The following IRS1 variants were observed in gnomAD, a reference collection of about 807,000 sequenced individuals.
IRS1 encodes insulin receptor substrate 1.
Under a neutral mutation model 65.6 loss-of-function variants are expected in IRS1, and 34 were observed. That is an observed-to-expected ratio of 0.52 (90% confidence interval 0.39 to 0.69). The LOEUF (loss-of-function observed/expected upper bound fraction) is 0.69. Ranked by LOEUF, IRS1 falls within the 30% of genes least tolerant of loss-of-function variation. The pLI, the probability that IRS1 is intolerant of heterozygous loss-of-function variation, is 0.00. For missense variants in IRS1, 1,641 were observed against 1,720.2 expected (o/e 0.95, Z 0.81); for synonymous variants, 699 against 683.5 (o/e 1.02, Z -0.35).
chr2:226,766,132 TATATATATATATATATA>T (rs1939029205), intron 1 of IRS1, among the ~76,000 whole-genome samples: 1 of 3,180 alleles, frequency 3.1e-4, no homozygotes, highest in Admixed American at 5.4e-3. Context: ...TATATATATA[TATATATATATATATATA>T]TATATATATA....
At chr2:226,764,217 A>G (rs1326408280) in intron 1 of IRS1, among the ~76,000 whole-genome samples, 1 of 151,962 alleles carries the variant, frequency 6.6e-6, no homozygotes, top group African/African-American at 2.4e-5. Context: ...TCGAAGGATC[A>G]CTAATGGAAT....
At chr2:226,756,702 G>A (rs189576095) in intron 1 of IRS1, among the ~76,000 whole-genome samples, 46 of 152,248 alleles carry the variant, frequency 3.0e-4, no homozygotes, top group Non-Finnish European at 5.3e-4. Context: ...GGTGGCTCAC[G>A]CCTGTAAGCC....
intron 1 of IRS1, among the ~76,000 whole-genome samples, chr2:226,755,538 C>G (rs570667198): frequency 2.9e-4 from 44 of 152,226 alleles, no homozygotes; most frequent in African/African-American, 1.1e-3. Context: ...TATATATGTT[C>G]CTTATTATAG....
intron 1 of IRS1, among the ~76,000 whole-genome samples, chr2:226,763,015 C>A (rs1325133707): frequency 2.0e-5 from 3 of 152,128 alleles, no homozygotes; most frequent in Admixed American, 2.0e-4. Flanking sequence ...CATTTGGGAA[C>A]ATTTATATCA....
At chr2:226,757,927 A>G (rs191078848) in intron 1 of IRS1, among the ~76,000 whole-genome samples, 1 of 152,374 alleles carries the variant, frequency 6.6e-6, no homozygotes, top group Non-Finnish European at 1.5e-5. Context: ...TAAGAATATC[A>G]CATTTGTGTT....
intron 1 of IRS1, among the ~76,000 whole-genome samples, chr2:226,753,392 TAC>T (rs1259557827): frequency 6.6e-6 from 1 of 152,238 alleles, no homozygotes; most frequent in Non-Finnish European, 1.5e-5. Context: ...CCTGCATTAT[TAC>T]ACTTCATTAG....
At chr2:226,760,976 AAACCT>A (rs373967208) in intron 1 of IRS1, among the ~76,000 whole-genome samples, 80 of 152,312 alleles carry the variant, frequency 5.3e-4, no homozygotes, top group African/African-American at 1.8e-3. Flanking sequence ...TATGATTGTG[AAACCT>A]AACCCTAGAC....
chr2:226,797,698 C>A lies in IRS1; in HGVS notation c.1041G>T (p.Val347=). The A allele has an allele frequency of 6.3e-7, 1 of 1,597,760 alleles. No homozygotes were observed. The highest frequency in any genetic ancestry group is 1.7e-4 in the Middle Eastern group (1 of 6,056). The change falls in exon 1 of 2, where the codon GTG becomes GTT. Residue 347 remains valine (V), a synonymous_variant. Transcript: ENST00000305123. The surrounding 1 kb of genome is among the most constrained non-coding windows in gnomAD (Gnocchi z 8.1). ...CGTGGGTTCTGTTGGTGCTGGGACT[C>A]ACAGGGCTGCCGTCCACCGAGGCTG... ...SRPASVDGSP[V]SPSTNRTHAH... is the part of the protein sequence containing the mutation.
chr2:226,768,553 TA>T (rs1246129075), intron 1 of IRS1, among the ~76,000 whole-genome samples: 2 of 152,212 alleles, frequency 1.3e-5, no homozygotes, highest in Admixed American at 6.5e-5. Context: ...GTTTGTGTGC[TA>T]AATATTGTAC....
chr2:226,794,223 C>G lies in IRS1; in HGVS notation c.*21+766G>C, dbSNP rs1939663575. ...ACTCCCATAACTCTTAATAATGGGT[C>G]CCAGACACATACAGAGTTTCCTGCA... is the stretch of plus-strand genomic sequence containing the variant. On this transcript the variant is annotated intron_variant, in intron 1 of 1. Coordinates refer to ENST00000305123, the MANE Select transcript of IRS1 (RefSeq NM_005544.3). This position sits in a 1 kb window ranked among gnomAD's most constrained non-coding sequence, Gnocchi z 4.1. 6.6e-6 allele frequency among the ~76,000 whole-genome samples: 1 copy of G among 152,096 alleles called. No individual in the cohort carries two copies. The highest frequency in any genetic ancestry group is 6.5e-5 in the Admixed American group (1 of 15,270).
At position 226,796,915 on chromosome 2, in the gene IRS1, C is replaced by A; in HGVS notation, c.1824G>T (p.Thr608=). The A allele has an allele frequency of 6.5e-7, 1 of 1,544,720 alleles. No individual in the cohort carries two copies. The highest frequency in any genetic ancestry group is 8.7e-7 in the Non-Finnish European group (1 of 1,144,550). Residue 608 remains threonine (T), a synonymous_variant, in exon 1 of 2, where the codon ACG becomes ACT. Transcript: ENST00000305123. ...HHRPDSSTLH[T]DDGYMPMSPG... ...GGGACATGGGCATGTAGCCATCATC[C>A]GTGTGGAGGGTGGAGCTGTCTGGGC...
At position 226,795,110 on chromosome 2, in the gene IRS1, G is replaced by T; in HGVS notation, c.3629C>A (p.Pro1210His). 3 of 1,608,326 alleles carry T rather than the reference G, an allele frequency of 1.9e-6. No individual in the cohort carries two copies. Among genetic ancestry groups the T allele is most frequent in the Non-Finnish European group, 2.5e-6 (3 of 1,177,226 alleles). The change falls in exon 1 of 2, where the codon CCC becomes CAC. Residue 1210 changes from proline to histidine, a missense_variant. Physicochemically the swap from Pro to His is moderately conservative, Grantham distance 77. Around this residue, in one of 3 missense-constraint regions of IRS1, gnomAD observed 1,324 missense variants for 1,361.0 expected, o/e 0.97. Coordinates refer to ENST00000305123, the MANE Select transcript of IRS1 (RefSeq NM_005544.3). ...GGAGCTGCTCTCACCGCTGCCCAGG[G>T]GTTGATGAGGGGGTGGGGGTGGGGG... The part of the protein sequence containing the change: ...QPPPPPPPHQ[P>H]LGSGESSSTR...
intron 1 of IRS1, among the ~76,000 whole-genome samples, chr2:226,763,951 C>T (rs1938973029): frequency 6.6e-6 from 1 of 151,914 alleles, no homozygotes. Context: ...TCAGAGCTTC[C>T]AAACTCATTT....
chr2:226,743,519 C>T (rs778392512), intron 1 of IRS1, among the ~76,000 whole-genome samples: 30 of 152,140 alleles, frequency 2.0e-4, no homozygotes, highest in Non-Finnish European at 3.5e-4. Flanking sequence ...TGTGGGCCAT[C>T]GTGCTCAGCC....
chr2:226,782,851 A>T (rs1205987258), intron 1 of IRS1, among the ~76,000 whole-genome samples: 1 of 152,148 alleles, frequency 6.6e-6, no homozygotes, highest in Non-Finnish European at 1.5e-5. Context: ...AAATACAAAA[A>T]TTAGCCTGGC....
chr2:226,764,306 G>C (rs2106168241), intron 1 of IRS1, among the ~76,000 whole-genome samples: 1 of 151,548 alleles, frequency 6.6e-6, no homozygotes, highest in Admixed American at 6.6e-5. Flanking sequence ...TAGTTTGGGA[G>C]GTCGAGGTGG....
intron 1 of IRS1, among the ~76,000 whole-genome samples, chr2:226,756,224 A>C (rs1938798480): frequency 6.6e-6 from 1 of 152,230 alleles, no homozygotes; most frequent in African/African-American, 2.4e-5. Flanking sequence ...CTAAGGTACA[A>C]GCCAAGGTGA....
chr2:226,769,246 A>C (rs1939117518), intron 1 of IRS1, among the ~76,000 whole-genome samples: 1 of 152,192 alleles, frequency 6.6e-6, no homozygotes, highest in Non-Finnish European at 1.5e-5. Flanking sequence ...GTCAAAAAAG[A>C]GTTATGAACA....
intron 1 of IRS1, among the ~76,000 whole-genome samples, chr2:226,762,357 C>CAAAAAAA (rs67318812): frequency 8.3e-6 from 1 of 119,838 alleles, no homozygotes; most frequent in Non-Finnish European, 1.7e-5. Flanking sequence ...CATAAAAATG[C>CAAAAAAA]AAAAAAAAAA....
Sources: allele counts gnomAD v4.1 joint callset (sites outside exome capture counted in the v4.1 genomes callset), GRCh38; gene constraint gnomAD v4.1.1; regional missense constraint gnomAD v4.1.1; non-coding constraint Gnocchi (gnomAD v3.1); transcripts MANE v1.5; gene names NCBI Gene and HGNC (gene_info 2026-07-23, HGNC 2026-07-21).